TMED3: variants seen among roughly 807,000 people sequenced by gnomAD.
The protein encoded by TMED3 is transmembrane p24 trafficking protein 3.
Under a neutral mutation model 15.0 loss-of-function variants are expected in TMED3, and 9 were observed. The ratio of observed to expected loss-of-function variants is 0.60; its 90% CI spans 0.36 to 1.04. TMED3 has a LOEUF of 1.04. Among genes scored for constraint, TMED3 ranks in the 50% least tolerant of loss-of-function variants. The pLI is 0.01. For synonymous variants in TMED3, 117 were observed against 121.4 expected, an observed-to-expected ratio of 0.96 and a Z score of 0.24; for missense variants, 267 against 278.9, an observed-to-expected ratio of 0.96 and a Z score of 0.30.
intron 2 of TMED3, among the ~76,000 whole-genome samples, chr15:79,375,221 G>A (rs946394324): frequency 6.6e-6 from 1 of 152,114 alleles, no homozygotes; most frequent in African/African-American, 2.4e-5. Flanking sequence ...CAGGAAGGAG[G>A]AGAGGGTCTG....
rs1381063342 is a variant in TMED3 at position 79,353,176 on chromosome 15, A to T, written c.417+39171A>T. On this transcript the variant is annotated intron_variant, in intron 2 of 2. Coordinates refer to the TMED3 transcript ENST00000424155. ...AAATATATATAAATATATATACATA[A>T]TATATAAAATATATATAATATATAA... Among the ~76,000 whole-genome samples, 5 of 39,402 alleles carry T rather than the reference A, an allele frequency of 1.3e-4. No homozygotes were observed. The Admixed American group carries it at 1.5e-3, about 12-fold the overall frequency. 25.8% of individuals were successfully genotyped at this position (39,402 alleles called of 152,430 possible). A position where few individuals can be genotyped will look rare whatever the true frequency, so the allele number is the denominator to read the frequency against.
chr15:79,315,074 A>G (rs979818102), intron 2 of TMED3, among the ~76,000 whole-genome samples: 30 of 152,272 alleles, frequency 2.0e-4, no homozygotes, highest in African/African-American at 7.0e-4. Flanking sequence ...TGAACTTTCA[A>G]GGAGGCCAGA....
chr15:79,361,891 T>C lies in TMED3; in HGVS notation c.417+47886T>C, dbSNP rs929671096. 3.9e-5 allele frequency among the ~76,000 whole-genome samples: 6 copies of C among 152,242 alleles called. No individual in the cohort carries two copies. The East Asian group carries it at 9.6e-4, about 24-fold the overall frequency. ...ATAAATGTAGAAAATTATTTTCCTT[T>C]TTTAAAAAAAGTATTAATCACTTGA... is the stretch of plus-strand genomic sequence containing the variant. On this transcript the variant is annotated intron_variant, in intron 2 of 2. Coordinates refer to the TMED3 transcript ENST00000424155.
At chr15:79,373,525 C>T (rs59560478) in intron 2 of TMED3, among the ~76,000 whole-genome samples, 5,021 of 150,434 alleles carry the variant, frequency 0.033, 265 homozygotes, top group African/African-American at 0.11. Context: ...ACTCAGCATA[C>T]AAAGCAAGAG....
chr15:79,317,666 CATGTATACACTTAT>C (rs2058746682), intron 2 of TMED3, among the ~76,000 whole-genome samples: 1 of 152,184 alleles, frequency 6.6e-6, no homozygotes, highest in Non-Finnish European at 1.5e-5. Flanking sequence ...ATGATACATA[CATGTATACACTTAT>C]GTGTGTGTCT....
At chr15:79,324,242 C>T (rs947633814), downstream of TMED3, among the ~76,000 whole-genome samples, 4 of 152,218 alleles carry the variant, frequency 2.6e-5, no homozygotes, top group South Asian at 2.1e-4. Context: ...CCGCCCGCCT[C>T]GGCCTCCCAA....
chr15:79,314,058 TCATTGGCCTCTG>T (rs2141212447), intron 2 of TMED3, 53 bp downstream of exon 2: 13 of 1,597,574 alleles, frequency 8.1e-6, no homozygotes, highest in Non-Finnish European at 1.1e-5. Context: ...GTGTTCCTCT[TCATTGGCCTCTG>T]TCTAGGCTGG....
downstream of TMED3, among the ~76,000 whole-genome samples, chr15:79,325,772 A>C (rs2058785038): frequency 6.6e-6 from 1 of 152,200 alleles, no homozygotes; most frequent in Admixed American, 6.5e-5. Flanking sequence ...TAAGTCCAAG[A>C]ATCCAAAGGC....
chr15:79,314,349 T>C (rs1303934679), intron 2 of TMED3, among the ~76,000 whole-genome samples: 1 of 152,248 alleles, frequency 6.6e-6, no homozygotes, highest in Non-Finnish European at 1.5e-5. Context: ...ACCAAAGTCC[T>C]ACTTTGTGTG....
At chr15:79,410,092 C>T (rs1019359137) in intron 2 of TMED3, among the ~76,000 whole-genome samples, 1 of 152,054 alleles carries the variant, frequency 6.6e-6, no homozygotes, top group Non-Finnish European at 1.5e-5. Flanking sequence ...GCCACCTATT[C>T]ATTAAGTAAA....
intron 2 of TMED3, among the ~76,000 whole-genome samples, chr15:79,363,829 G>C (rs1010562771): frequency 6.6e-6 from 1 of 152,180 alleles, no homozygotes; most frequent in African/African-American, 2.4e-5. Flanking sequence ...CTGACACCGG[G>C]ATCGCAGCAA....
chr15:79,324,016 A>G (rs1191052571), downstream of TMED3, among the ~76,000 whole-genome samples: 1 of 152,140 alleles, frequency 6.6e-6, no homozygotes, highest in Non-Finnish European at 1.5e-5. Flanking sequence ...TTTGAGACAG[A>G]GTCTCACTCT....
chr15:79,314,147 C>A, intron 2 of TMED3, 142 bp downstream of exon 2: 1 of 1,076,144 alleles, frequency 9.3e-7, no homozygotes, highest in Non-Finnish European at 1.3e-6. Flanking sequence ...TCTCTTTCTT[C>A]ATACCTAGTC....
intron 2 of TMED3, among the ~76,000 whole-genome samples, chr15:79,352,614 T>G (rs2058895308): frequency 6.6e-6 from 1 of 150,936 alleles, no homozygotes; most frequent in African/African-American, 2.4e-5. Flanking sequence ...AAATTATCTT[T>G]CTTTGTGACT....
In TMED3 at chr15:79,405,429, G is replaced by A. The variant is rs371245603; in HGVS notation, c.418-5971G>A. Reference sequence around the variant, plus strand: ...CCTATTAGAGAATCCTCTCTCACTCGTGTCCTGCTCAAAACTGGAAGCCTT... The same window carrying A: ...CCTATTAGAGAATCCTCTCTCACTCATGTCCTGCTCAAAACTGGAAGCCTT... On this transcript the variant is annotated intron_variant, in intron 2 of 2. Transcript: ENST00000424155. Among the ~76,000 whole-genome samples, 19 of 152,272 alleles carry A rather than the reference G, an allele frequency of 1.2e-4. No individual in the cohort carries two copies. The South Asian group carries it at 2.3e-3, about 18-fold the overall frequency.
chr15:79,321,838 C>A, intron 2 of TMED3, 140 bp from the exon 3 acceptor site: 1 of 1,081,114 alleles, frequency 9.2e-7, no homozygotes, highest in Non-Finnish European at 1.3e-6. Flanking sequence ...TTAAATAAAA[C>A]CACGTAAAAC....
intron 2 of TMED3, among the ~76,000 whole-genome samples, chr15:79,355,634 T>G (rs1269435616): frequency 6.6e-6 from 1 of 152,084 alleles, no homozygotes; most frequent in African/African-American, 2.4e-5. Context: ...ACTGCAACCC[T>G]CAGCAAAAGG....
intron 2 of TMED3, among the ~76,000 whole-genome samples, chr15:79,371,871 G>A (rs1311813313): frequency 3.9e-5 from 6 of 152,316 alleles, no homozygotes. Context: ...AAGATAGGCA[G>A]TGGCAGGTCA....
At chr15:79,324,731 T>A (rs983648662), downstream of TMED3, among the ~76,000 whole-genome samples, 1 of 152,206 alleles carries the variant, frequency 6.6e-6, no homozygotes, top group Non-Finnish European at 1.5e-5. Flanking sequence ...GAGAGGCTAT[T>A]TGCATCTGGA....
Sources: gnomAD v4.1 joint callset for allele counts (sites outside exome capture counted in the v4.1 genomes callset) on GRCh38, gnomAD v4.1.1 for gene constraint, MANE v1.5 for transcripts, NCBI Gene and HGNC (gene_info 2026-07-23, HGNC 2026-07-21) for gene names.